Variants in AADACL2 observed in about 807,000 individuals in gnomAD.
The protein encoded by AADACL2 is arylacetamide deacetylase like 2.
Under a neutral mutation model 22.3 loss-of-function variants are expected in AADACL2, and 23 were observed. The ratio of observed to expected loss-of-function variants is 1.03; its 90% confidence interval spans 0.74 to 1.46. The LOEUF (loss-of-function observed/expected upper bound fraction) is 1.46. Ranked by LOEUF, AADACL2 falls within the 40% of genes most tolerant of loss-of-function variation. AADACL2 has a pLI of 0.00. For synonymous variants in AADACL2, 177 were observed against 166.2 expected (o/e 1.07, Z -0.50); for missense variants, 472 against 482.9 (o/e 0.98, Z 0.21).
chr3:151,757,180 G>A lies in AADACL2; in HGVS notation c.792G>A (p.Met264Ile). Reference protein sequence around the residue: ...FTKDEALPWAMRRNQHMPLES... With the variant: ...FTKDEALPWAIRRNQHMPLES... The stretch of plus-strand genomic sequence containing the variant: ...AGGATGAAGCACTTCCCTGGGCAAT[G>A]AGAAGAAACCAACACATGCCTCTGG... Residue 264 changes from methionine to isoleucine, a missense_variant, in exon 5 of 5, where the codon ATG becomes ATA. Physicochemically the swap from Met to Ile is conservative, Grantham distance 10. Around this residue, in one of 3 missense-constraint regions of AADACL2, gnomAD observed 356 missense variants for 365.5 expected, o/e 0.97. Coordinates refer to ENST00000356517, the MANE Select transcript of AADACL2 (RefSeq NM_207365.4). The A allele has an allele frequency of 1.9e-6, 3 of 1,613,586 alleles. No individual in the cohort carries two copies. Among genetic ancestry groups the A allele is most frequent in the Non-Finnish European group, 1.7e-6 (2 of 1,179,674 alleles).
intron 1 of AADACL2, among the ~76,000 whole-genome samples, chr3:151,735,827 C>T (rs553047047): frequency 6.6e-6 from 1 of 152,158 alleles, no homozygotes; most frequent in Admixed American, 6.5e-5. Flanking sequence ...AATTGCCCTG[C>T]AAATACCTTA....
In AADACL2 at chr3:151,734,084, T is replaced by G; in HGVS notation, c.49T>G (p.Ser17Ala). The G allele has an allele frequency of 6.2e-7, 1 of 1,613,552 alleles. No individual in the cohort carries two copies. Among genetic ancestry groups the G allele is most frequent in the Non-Finnish European group, 8.5e-7 (1 of 1,179,764 alleles). ...CLGLLCVLFVSHFYTPMPDNI... is the reference protein window; with the variant it reads ...CLGLLCVLFVAHFYTPMPDNI... Reference sequence around the variant, plus strand: ...GGGGCTGCTTTGTGTTCTTTTTGTCTCTCATTTTTACACACCCATGCCAGA... The same window carrying G: ...GGGGCTGCTTTGTGTTCTTTTTGTCGCTCATTTTTACACACCCATGCCAGA... The change falls in exon 1 of 5, where the codon TCT becomes GCT. Residue 17 changes from serine (S) to alanine (A), a missense_variant. Physicochemically the swap from Ser to Ala is moderately conservative, Grantham distance 99. Transcript: ENST00000356517.
At chr3:151,742,058 T>C (rs1483092122) in intron 2 of AADACL2, among the ~76,000 whole-genome samples, 1 of 152,180 alleles carries the variant, frequency 6.6e-6, no homozygotes, top group African/African-American at 2.4e-5. Context: ...TTAGATACTT[T>C]CTAATTTTCA....
rs992816257 is a variant in AADACL2, at chr3:151,757,832, G to T, written c.*238G>T. 2.1e-5 allele frequency: 7 copies of T among 329,492 alleles called. No homozygotes were observed. Among genetic ancestry groups the T allele is most frequent in the South Asian group, 6.7e-5 (1 of 14,942 alleles). 20.4% of individuals were successfully genotyped at this position (329,492 alleles called of 1,614,324 possible). ...CTTATAATTTATTATAATTATGTTG[G>T]TTCTAATAAGAACCAATGCTTATTA... On this transcript the variant is annotated 3_prime_UTR_variant, in exon 5 of 5. Coordinates refer to ENST00000356517, the MANE Select transcript of AADACL2 (RefSeq NM_207365.4).
In AADACL2 at chr3:151,758,476, G is replaced by T. The variant is rs937171349; in HGVS notation, c.*882G>T. Reference sequence around the variant, plus strand: ...TTTTCTATATAAAGTAACCTTCAGAGATTAGGATGTAGTTATCTTTTGGGA... The same window carrying T: ...TTTTCTATATAAAGTAACCTTCAGATATTAGGATGTAGTTATCTTTTGGGA... On this transcript the variant is annotated 3_prime_UTR_variant, in exon 5 of 5. Coordinates refer to ENST00000356517, the MANE Select transcript of AADACL2 (RefSeq NM_207365.4). 5 of 152,010 alleles carry T rather than the reference G, an allele frequency of 3.3e-5. No homozygotes were observed. Among genetic ancestry groups the T allele is most frequent in the Non-Finnish European group, 7.4e-5 (5 of 67,976 alleles). 9.4% of individuals were successfully genotyped at this position (152,010 alleles called of 1,614,324 possible).
intron 1 of AADACL2, among the ~76,000 whole-genome samples, chr3:151,738,663 T>A (rs1713172897): frequency 6.6e-6 from 1 of 152,176 alleles, no homozygotes; most frequent in Non-Finnish European, 1.5e-5. Flanking sequence ...TTCACATAGT[T>A]CCATATTTCT....
In AADACL2 at chr3:151,760,084, CTT is replaced by C. The variant is rs893098025; in HGVS notation, c.*2497_*2498del. ...TTCTTTGTGTTGGGAATTTCAATAT[CTT>C]TTTTTTAGCTGTTTGAGATTATGTA... On this transcript the variant is annotated 3_prime_UTR_variant, in exon 5 of 5. Transcript: ENST00000356517. The C allele has an allele frequency of 6.6e-6, 1 of 151,790 alleles. No individual in the cohort carries two copies. The highest frequency in any genetic ancestry group is 2.4e-5 in the African/African-American group (1 of 41,274). 9.4% of individuals were successfully genotyped at this position (151,790 alleles called of 1,614,324 possible). A position where few individuals can be genotyped will look rare whatever the true frequency, so the allele number is the denominator to read the frequency against.
Position 151,760,141 on chromosome 3 carries a change from C to A in AADACL2, c.*2547C>A, listed in dbSNP as rs548301083. 7.2e-5 allele frequency: 11 copies of A among 152,122 alleles called. No homozygotes were observed. The highest frequency in any genetic ancestry group is 2.0e-4 in the Admixed American group (3 of 15,272). 9.4% of individuals were successfully genotyped at this position (152,122 alleles called of 1,614,324 possible). On this transcript the variant is annotated 3_prime_UTR_variant, in exon 5 of 5. Coordinates refer to ENST00000356517, the MANE Select transcript of AADACL2 (RefSeq NM_207365.4). ...ATTATTGTTAACTATAGTCATCCTA[C>A]AGTGGTATAGAAACTACCTAGCTGT...
At chr3:151,750,832 T>G (rs978268374) in intron 4 of AADACL2, among the ~76,000 whole-genome samples, 1 of 152,224 alleles carries the variant, frequency 6.6e-6, no homozygotes, top group Non-Finnish European at 1.5e-5. Flanking sequence ...TACATATACA[T>G]GTACATGTAC....
Position 151,740,828 on chromosome 3 carries a change from G to C in AADACL2, c.321G>C (p.Val107=), listed in dbSNP as rs144315490. 32 of 1,613,838 alleles carry C rather than the reference G, an allele frequency of 2.0e-5. No homozygotes were observed. Among genetic ancestry groups the C allele is most frequent in the Non-Finnish European group, 2.7e-5 (32 of 1,179,952 alleles). Residue 107 remains valine (V), a synonymous_variant, in exon 2 of 5, where the codon GTG becomes GTC. Coordinates refer to ENST00000356517, the MANE Select transcript of AADACL2 (RefSeq NM_207365.4). Reference sequence around the variant, plus strand: ...AGTCAGAAACCCGAAGGCGAGCTGTGATATATTTTCATGGTGGTGGTTTTT... The same window carrying C: ...AGTCAGAAACCCGAAGGCGAGCTGTCATATATTTTCATGGTGGTGGTTTTT... ...KRKSETRRRA[V]IYFHGGGFCF... is the part of the protein sequence containing the mutation.
rs1352913731 is a variant in AADACL2 at position 151,758,151 on chromosome 3, C to T, written c.*557C>T. ...AACTAGGCCCAAACCAAGTCACAGG[C>T]AAGAGACATGACTCCCTTGGAGACT... On this transcript the variant is annotated 3_prime_UTR_variant, in exon 5 of 5. Transcript: ENST00000356517. The T allele has an allele frequency of 6.6e-6, 1 of 152,466 alleles. No homozygotes were observed. The highest frequency in any genetic ancestry group is 1.5e-5 in the Non-Finnish European group (1 of 68,290). The allele number at this position is 152,466 out of a possible 1,614,324, so 9.4% of individuals were successfully genotyped here. A position where few individuals can be genotyped will look rare whatever the true frequency, so the allele number is the denominator to read the frequency against.
At chr3:151,734,952 A>G (rs1713041244) in intron 1 of AADACL2, among the ~76,000 whole-genome samples, 1 of 152,176 alleles carries the variant, frequency 6.6e-6, no homozygotes, top group Non-Finnish European at 1.5e-5. Context: ...AAGGGTAACA[A>G]TAAGAGGCTC....
chr3:151,740,179 C>T (rs1713231418), intron 1 of AADACL2, among the ~76,000 whole-genome samples: 2 of 152,216 alleles, frequency 1.3e-5, no homozygotes, highest in Admixed American at 1.3e-4. Context: ...TTGCAAAAAC[C>T]ATGGAAAAGC....
intron 4 of AADACL2, among the ~76,000 whole-genome samples, chr3:151,754,082 G>A (rs1317595749): frequency 1.3e-5 from 2 of 152,040 alleles, no homozygotes; most frequent in African/African-American, 4.8e-5. Flanking sequence ...AAGCAGTTGA[G>A]TCATAAAATG....
At chr3:151,751,607 A>G (rs1467427751) in intron 4 of AADACL2, 10 of 152,160 alleles carry the variant, frequency 6.6e-5, no homozygotes, top group Non-Finnish European at 1.5e-5. Context: ...GCTTGGGCCC[A>G]GGAGTTCGGG....
In AADACL2 at chr3:151,740,553, C is replaced by T. The variant is rs1031822062; in HGVS notation, c.139-93C>T. ...AGTCTATTTCTTTTTGTTTACCTTG[C>T]TTATTTTTTCTTCCTTTTTAACTTT... On this transcript the variant is annotated intron_variant, in intron 1 of 4. Transcript: ENST00000356517. 20 of 810,234 alleles carry T rather than the reference C, an allele frequency of 2.5e-5. No homozygotes were observed. The African/African-American group carries it at 3.5e-4, about 14-fold the overall frequency. 50.2% of individuals were successfully genotyped at this position (810,234 alleles called of 1,614,324 possible).
chr3:151,742,136 CT>C (rs1435278549), intron 2 of AADACL2, among the ~76,000 whole-genome samples: 4 of 152,152 alleles, frequency 2.6e-5, no homozygotes, highest in African/African-American at 4.8e-5. Flanking sequence ...TCTTTTCCCC[CT>C]AGGCTTCCTC....
chr3:151,743,820 C>T (rs993562642), intron 2 of AADACL2, among the ~76,000 whole-genome samples: 16 of 152,160 alleles, frequency 1.1e-4, no homozygotes, highest in East Asian at 5.8e-4. Flanking sequence ...GATGTCAAGA[C>T]GATATTACAA....
At chr3:151,755,103 C>T (rs1200751848) in intron 4 of AADACL2, 1 of 151,954 alleles carries the variant, frequency 6.6e-6, no homozygotes, top group African/African-American at 2.4e-5. Flanking sequence ...TTCTCGGATC[C>T]TATTATTCCT....
Sources: allele counts gnomAD v4.1 joint callset (sites outside exome capture counted in the v4.1 genomes callset), GRCh38; gene constraint gnomAD v4.1.1; regional missense constraint gnomAD v4.1.1; transcripts MANE v1.5; gene names NCBI Gene and HGNC (gene_info 2026-07-23, HGNC 2026-07-21).